Variants in BMPR1A observed in about 807,000 individuals in gnomAD.
The protein encoded by BMPR1A is bone morphogenetic protein receptor type 1A, also known as bone morphogenetic protein receptor type-1A.
A neutral mutation model predicts 66.0 loss-of-function variants in BMPR1A; 7 were observed. That is an observed-to-expected ratio of 0.11 (90% CI 0.06 to 0.20). BMPR1A has a LOEUF of 0.20. Among genes scored for constraint, BMPR1A ranks in the 10% least tolerant of loss-of-function variants. The pLI is 1.00. For missense variants in BMPR1A, 408 were observed against 669.1 expected (o/e 0.61, Z 4.31); for synonymous variants, 200 against 229.7 (o/e 0.87, Z 1.17).
intron 3 of BMPR1A, among the ~76,000 whole-genome samples, chr10:86,885,627 G>T (rs913306636): frequency 6.6e-6 from 1 of 152,140 alleles, no homozygotes; most frequent in Non-Finnish European, 1.5e-5. Context: ...TTGCTTCCTT[G>T]TACTTGACTT....
intron 2 of BMPR1A, among the ~76,000 whole-genome samples, chr10:86,863,091 T>C (rs549653181): frequency 1.7e-4 from 26 of 151,864 alleles, no homozygotes; most frequent in Non-Finnish European, 2.6e-4. Context: ...GCAGTTCTCC[T>C]ACCTCGGCCT....
chr10:86,896,302 G>GA (rs1406771631), intron 5 of BMPR1A, among the ~76,000 whole-genome samples: 1 of 151,066 alleles, frequency 6.6e-6, no homozygotes, highest in Non-Finnish European at 1.5e-5. Context: ...AAAAGAAAAA[G>GA]AAAAAATGCC....
chr10:86,885,728 A>T (rs1843059724), intron 3 of BMPR1A, among the ~76,000 whole-genome samples: 2 of 152,074 alleles, frequency 1.3e-5, no homozygotes, highest in African/African-American at 2.4e-5. Flanking sequence ...TGATTATCTC[A>T]TATGTATAGT....
intron 1 of BMPR1A, among the ~76,000 whole-genome samples, chr10:86,804,799 T>G (rs551006393): frequency 2.7e-5 from 4 of 150,098 alleles, no homozygotes; most frequent in Admixed American, 6.6e-5. Flanking sequence ...GGTGTTTTTT[T>G]TTTTTTTTTT....
intron 2 of BMPR1A, among the ~76,000 whole-genome samples, chr10:86,845,594 C>A (rs1842472814): frequency 6.6e-6 from 1 of 152,178 alleles, no homozygotes; most frequent in African/African-American, 2.4e-5. Flanking sequence ...AGCTGCAGAG[C>A]ACCACGAAGG....
intron 2 of BMPR1A, among the ~76,000 whole-genome samples, chr10:86,848,570 T>C (rs1216005372): frequency 1.3e-5 from 2 of 152,198 alleles, no homozygotes; most frequent in Non-Finnish European, 2.9e-5. Flanking sequence ...TTTTTTGTTA[T>C]ATATTTAATA....
At chr10:86,775,494 C>G (rs867703568) in intron 1 of BMPR1A, among the ~76,000 whole-genome samples, 1 of 152,114 alleles carries the variant, frequency 6.6e-6, no homozygotes, top group African/African-American at 2.4e-5. Context: ...ATTCATTCCC[C>G]CTGATGCCCA....
intron 1 of BMPR1A, among the ~76,000 whole-genome samples, chr10:86,795,211 A>G (rs1841689677): frequency 6.6e-6 from 1 of 151,396 alleles, no homozygotes; most frequent in Non-Finnish European, 1.5e-5. Context: ...GAGCTATACT[A>G]TATGTGTTGT....
intron 1 of BMPR1A, among the ~76,000 whole-genome samples, chr10:86,771,759 T>A (rs1217180896): frequency 6.6e-6 from 1 of 152,050 alleles, no homozygotes; most frequent in African/African-American, 2.4e-5. Context: ...TCTTTGAGAT[T>A]GATTGATTGA....
Position 86,925,830 on chromosome 10 carries a change from C to T in BMPR1A, c.*2111C>T, listed in dbSNP as rs558137162. On this transcript the variant is annotated 3_prime_UTR_variant, in exon 13 of 13. Coordinates refer to ENST00000372037, the MANE Select transcript of BMPR1A (RefSeq NM_004329.3). ...GCAAGCTCCGCTTCCCGGGTTCACG[C>T]CATTCTCCTGCCTCAGCCTCCCGAG... 1 of 159,764 alleles carries T rather than the reference C, an allele frequency of 6.3e-6. No individual in the cohort carries two copies. Among genetic ancestry groups the T allele is most frequent in the East Asian group, 1.5e-4 (1 of 6,800 alleles). 9.9% of individuals were successfully genotyped at this position (159,764 alleles called of 1,614,324 possible).
At chr10:86,888,523 G>C (rs929987542) in intron 3 of BMPR1A, among the ~76,000 whole-genome samples, 1 of 151,952 alleles carries the variant, frequency 6.6e-6, no homozygotes, top group African/African-American at 2.4e-5. Flanking sequence ...TAAATATTCG[G>C]TATAAGAAAG....
intron 7 of BMPR1A, among the ~76,000 whole-genome samples, chr10:86,907,022 T>A (rs1589286101): frequency 6.6e-6 from 1 of 152,182 alleles, no homozygotes; most frequent in East Asian, 1.9e-4. Context: ...TTTCCCTTTC[T>A]CACATTCCTG....
intron 1 of BMPR1A, among the ~76,000 whole-genome samples, chr10:86,790,299 A>G (rs967799479): frequency 6.8e-6 from 1 of 146,114 alleles, no homozygotes; most frequent in African/African-American, 2.5e-5. Flanking sequence ...AAGATAGATA[A>G]TAACAAATGC....
intron 2 of BMPR1A, among the ~76,000 whole-genome samples, chr10:86,869,184 C>T (rs1448018695): frequency 1.3e-5 from 2 of 152,114 alleles, no homozygotes; most frequent in African/African-American, 2.4e-5. Flanking sequence ...TGGCCAGGCA[C>T]GGTGGCTCAC....
At chr10:86,931,346 T>G (rs1293817437), downstream of BMPR1A, 3 of 145,112 alleles carry the variant, frequency 2.1e-5, no homozygotes, top group Non-Finnish European at 3.0e-5. Flanking sequence ...TTGGGCCCCC[T>G]TGTTTTTCTT....
At chr10:86,761,604 C>T (rs777546999) in intron 1 of BMPR1A, among the ~76,000 whole-genome samples, 96 of 152,198 alleles carry the variant, frequency 6.3e-4, no homozygotes, top group Admixed American at 2.0e-4. Context: ...TATTGGAACG[C>T]TAAGCACGTG....
At chr10:86,865,864 C>G (rs1255589361) in intron 2 of BMPR1A, among the ~76,000 whole-genome samples, 1 of 152,170 alleles carries the variant, frequency 6.6e-6, no homozygotes, top group African/African-American at 2.4e-5. Context: ...GGGGTGGTAA[C>G]CCAGCCACTG....
At chr10:86,847,692 G>A (rs1279996705) in intron 2 of BMPR1A, among the ~76,000 whole-genome samples, 1 of 151,814 alleles carries the variant, frequency 6.6e-6, no homozygotes, top group Non-Finnish European at 1.5e-5. Flanking sequence ...GTGTGTATGT[G>A]TGTGTATAAA....
intron 1 of BMPR1A, among the ~76,000 whole-genome samples, chr10:86,773,420 G>C (rs1029104140): frequency 6.6e-6 from 1 of 151,788 alleles, no homozygotes; most frequent in African/African-American, 2.4e-5. Flanking sequence ...GTGGAACCCT[G>C]TCTCTACTAA....
Sources: allele counts gnomAD v4.1 joint callset (sites outside exome capture counted in the v4.1 genomes callset), GRCh38; gene constraint gnomAD v4.1.1; transcripts MANE v1.5; gene names NCBI Gene and HGNC (gene_info 2026-07-23, HGNC 2026-07-21).